SPINT1: variants seen among roughly 807,000 people sequenced by gnomAD.
SPINT1 encodes the protein serine peptidase inhibitor, Kunitz type 1, also known as kunitz-type protease inhibitor 1.
A neutral mutation model predicts 53.7 loss-of-function variants in SPINT1; 38 were observed. The ratio of observed to expected loss-of-function variants is 0.71; its 90% CI spans 0.55 to 0.93. SPINT1 has a LOEUF of 0.93. SPINT1 is among the 40% of genes least tolerant of loss of function. The pLI is 0.00. For synonymous variants in SPINT1, 283 were observed against 280.6 expected (o/e 1.01, Z -0.08); for missense variants, 645 against 692.9 (o/e 0.93, Z 0.78).
In SPINT1 at chr15:40,856,214, G is replaced by A. The variant is rs1039452989; in HGVS notation, c.1289-62G>A. 5.6e-6 allele frequency: 9 copies of A among 1,607,920 alleles called. No homozygotes were observed. In the African/African-American group the frequency reaches 1.2e-4, roughly 22 times the overall value. ...ATGCCAGTGTGAGGTCTGGGGCACT[G>A]GGGAGCAGCTGAGTCTCTGAGCCCT... On this transcript the variant is annotated intron_variant, in intron 9 of 10. Coordinates refer to ENST00000562057, the MANE Select transcript of SPINT1 (RefSeq NM_003710.4).
chr15:40,853,728 A>G lies in SPINT1; in HGVS notation c.760A>G (p.Asn254Asp). 1 of 1,614,072 alleles carries G rather than the reference A, an allele frequency of 6.2e-7. No individual in the cohort carries two copies. Among genetic ancestry groups the G allele is most frequent in the East Asian group, 2.2e-5 (1 of 44,882 alleles). Residue 254 changes from asparagine to aspartate, a missense_variant, in exon 5 of 11, where the codon AAC becomes GAC. Coordinates refer to ENST00000562057, the MANE Select transcript of SPINT1 (RefSeq NM_003710.4). ...KQTEDYCLAS[N>D]KVGRCRGSFP... The stretch of plus-strand genomic sequence containing the variant: ...CCCCCTAGACTACTGCCTCGCATCC[A>G]ACAAGGTGGGTCGCTGCCGGGGCTC...
intron 2 of SPINT1, among the ~76,000 whole-genome samples, chr15:40,847,376 C>T (rs532105078): frequency 6.6e-6 from 1 of 152,304 alleles, no homozygotes; most frequent in South Asian, 2.1e-4. Context: ...ACGTGGGTCA[C>T]GGGCACTGAG....
intron 8 of SPINT1, 57 bp downstream of exon 8, chr15:40,854,746 C>G: frequency 6.2e-7 from 1 of 1,605,618 alleles, no homozygotes; most frequent in East Asian, 2.2e-5. Context: ...GCCATCCTCA[C>G]TATTTCCATC....
rs1466907250 is a variant in SPINT1 at position 40,844,993 on chromosome 15, C to T, written c.439C>T (p.Arg147Cys). The T allele has an allele frequency of 6.2e-7, 1 of 1,612,378 alleles. No homozygotes were observed. The highest frequency in any genetic ancestry group is 1.3e-5 in the African/African-American group (1 of 74,912). The change falls in exon 2 of 11, where the codon CGC (arginine) becomes TGC (cysteine). Residue 147 changes from arginine to cysteine, a missense_variant. Transcript: ENST00000562057. The surrounding 1 kb of genome is among the most constrained non-coding windows in gnomAD (Gnocchi z 5.8). ...FINYLTREVY[R>C]SYRQLRTQGF... ...CAACTACCTCACGAGGGAAGTGTACCGCTCCTACCGCCAGCTGCGGACCCA... is the reference window on the plus strand; with the variant it reads ...CAACTACCTCACGAGGGAAGTGTACTGCTCCTACCGCCAGCTGCGGACCCA...
At chr15:40,845,151 C>A (rs923017539) in intron 2 of SPINT1, 122 bp downstream of exon 2, 1 of 854,978 alleles carries the variant, frequency 1.2e-6, no homozygotes, top group Non-Finnish European at 1.7e-6. Flanking sequence ...TTTTCTTTTT[C>A]TTTCTTTTTT....
At position 40,853,231 on chromosome 15, in the gene SPINT1, G is replaced by A. The variant is rs1297899234; in HGVS notation, c.583G>A (p.Asp195Asn). The A allele has an allele frequency of 6.2e-7, 1 of 1,614,214 alleles. No homozygotes were observed. The highest frequency in any genetic ancestry group is 1.7e-5 in the Admixed American group (1 of 60,032). The stretch of plus-strand genomic sequence containing the variant: ...CACAGATTGGCGCCTACTGCGGGGT[G>A]ACACGGATGTCAGGGTAGAGGTGAG... Reference protein sequence around the residue: ...ENTDWRLLRGDTDVRVERKDP... With the variant: ...ENTDWRLLRGNTDVRVERKDP... Residue 195 changes from aspartate to asparagine, a missense_variant, in exon 3 of 11, where the codon GAC becomes AAC. Physicochemically the swap from Asp to Asn is conservative, Grantham distance 23. Transcript: ENST00000562057.
chr15:40,857,785 G>A lies in SPINT1; in HGVS notation c.*810G>A, dbSNP rs1891699885. On this transcript the variant is annotated 3_prime_UTR_variant, in exon 11 of 11. Transcript: ENST00000562057. Reference sequence around the variant, plus strand: ...TTTTCCCATCGTCTCTCTCGAAACTGGCCTGGCCCCTGACTTTGGAGAGCA... The same window carrying A: ...TTTTCCCATCGTCTCTCTCGAAACTAGCCTGGCCCCTGACTTTGGAGAGCA... 6.6e-6 allele frequency: 1 copy of A among 152,328 alleles called. No individual in the cohort carries two copies. Among genetic ancestry groups the A allele is most frequent in the South Asian group, 2.1e-4 (1 of 4,834 alleles). 9.4% of individuals were successfully genotyped at this position (152,328 alleles called of 1,614,324 possible).
chr15:40,847,824 C>T (rs1891341350), intron 2 of SPINT1, among the ~76,000 whole-genome samples: 1 of 152,146 alleles, frequency 6.6e-6, no homozygotes, highest in African/African-American at 2.4e-5. Context: ...GCTACTTCCA[C>T]TCTGGGGGCC....
intron 10 of SPINT1, 69 bp downstream of exon 10, chr15:40,856,392 T>C: frequency 6.3e-7 from 1 of 1,588,414 alleles, no homozygotes; most frequent in Non-Finnish European, 8.6e-7. Flanking sequence ...ACTCCACCTG[T>C]TGTGACAGCC....
Position 40,856,042 on chromosome 15 carries a change from A to C in SPINT1, c.1268A>C (p.Glu423Ala). The change falls in exon 9 of 11, where the codon GAG becomes GCG. Residue 423 changes from glutamate (E) to alanine (A), a missense_variant. Physicochemically the swap from Glu to Ala is moderately radical, Grantham distance 107. Coordinates refer to ENST00000562057, the MANE Select transcript of SPINT1 (RefSeq NM_003710.4). ...TTTGAGGAAGAGCAGCAGTGCCTCG[A>C]GTCTTGTCGCGGCATCTCCAGTGAG... ...NNFEEEQQCL[E>A]SCRGISKKDV... The C allele has an allele frequency of 6.2e-7, 1 of 1,614,068 alleles. No homozygotes were observed. The highest frequency in any genetic ancestry group is 8.5e-7 in the Non-Finnish European group (1 of 1,180,012).
At chr15:40,855,543 C>G (rs1005335670) in intron 8 of SPINT1, among the ~76,000 whole-genome samples, 1 of 152,068 alleles carries the variant, frequency 6.6e-6, no homozygotes, top group Non-Finnish European at 1.5e-5. Context: ...ATCGCTTGGC[C>G]TAGGAATTTG....
At chr15:40,848,972 C>T (rs1303187674) in intron 2 of SPINT1, among the ~76,000 whole-genome samples, 27 of 147,312 alleles carry the variant, frequency 1.8e-4, no homozygotes, top group Admixed American at 1.2e-3. Flanking sequence ...TCGGGCCGGG[C>T]GCGGTGGGTC....
rs1202213552 is a variant in SPINT1 at position 40,855,971 on chromosome 15, C to G, written c.1197C>G (p.His399Gln). 24 of 1,614,256 alleles carry G rather than the reference C, an allele frequency of 1.5e-5. No homozygotes were observed. Among genetic ancestry groups the G allele is most frequent in the Non-Finnish European group, 2.0e-5 (24 of 1,180,050 alleles). ...GGTACTACAACCCCTTCAGCGAACA[C>G]TGCGCCCGCTTTACCTATGGTGGTT... ...PRWYYNPFSE[H>Q]CARFTYGGCY... Residue 399 changes from histidine to glutamine, a missense_variant, in exon 9 of 11, where the codon CAC becomes CAG. Coordinates refer to ENST00000562057, the MANE Select transcript of SPINT1 (RefSeq NM_003710.4).
intron 3 of SPINT1, 88 bp from the exon 4 acceptor site, chr15:40,853,401 C>G: frequency 6.2e-7 from 1 of 1,609,270 alleles, no homozygotes; most frequent in South Asian, 1.1e-5. Flanking sequence ...CTGGCCTCCC[C>G]AGGGGTGTGG....
At chr15:40,851,874 A>G (rs957993870) in intron 2 of SPINT1, among the ~76,000 whole-genome samples, 5 of 152,142 alleles carry the variant, frequency 3.3e-5, no homozygotes, top group Admixed American at 2.6e-4. Context: ...TACAAAAATT[A>G]GCCGGGCATG....
At chr15:40,846,228 T>G (rs540314447) in intron 2 of SPINT1, among the ~76,000 whole-genome samples, 2 of 152,292 alleles carry the variant, frequency 1.3e-5, no homozygotes, top group Non-Finnish European at 2.9e-5. Context: ...TTCCCCGGAC[T>G]GAACTGTCTG....
intron 2 of SPINT1, among the ~76,000 whole-genome samples, chr15:40,846,864 G>C (rs1891314111): frequency 6.6e-6 from 1 of 152,214 alleles, no homozygotes; most frequent in African/African-American, 2.4e-5. Flanking sequence ...ATATCTGAGG[G>C]CCAGTCTGGG....
At chr15:40,847,812 A>G (rs554862260) in intron 2 of SPINT1, among the ~76,000 whole-genome samples, 1 of 152,006 alleles carries the variant, frequency 6.6e-6, no homozygotes, top group African/African-American at 2.4e-5. Context: ...ATCACTCTGC[A>G]TGCTACTTCC....
Position 40,844,212 on chromosome 15 carries a change from C to T in SPINT1, c.-66+26C>T. The T allele has an allele frequency of 2.4e-6, 1 of 417,708 alleles. No individual in the cohort carries two copies. The highest frequency in any genetic ancestry group is 4.4e-6 in the Non-Finnish European group (1 of 224,972). The allele number at this position is 417,708 out of a possible 1,614,324, so 25.9% of individuals were successfully genotyped here. A position where few individuals can be genotyped will look rare whatever the true frequency, so the allele number is the denominator to read the frequency against. ...GTAACCCGGGCCCCCGCGCGCAAGG[C>T]CGAGGCGCAGGCGGAGCGGGCTGGA... is the stretch of plus-strand genomic sequence containing the variant. On this transcript the variant is annotated intron_variant, in intron 1 of 10. Coordinates refer to ENST00000562057, the MANE Select transcript of SPINT1 (RefSeq NM_003710.4). This position sits in a 1 kb window ranked among gnomAD's most constrained non-coding sequence, Gnocchi z 5.8.
Sources: gnomAD v4.1 joint callset for allele counts (sites outside exome capture counted in the v4.1 genomes callset) on GRCh38, gnomAD v4.1.1 for gene constraint, Gnocchi (gnomAD v3.1) non-coding constraint, MANE v1.5 for transcripts, NCBI Gene and HGNC (gene_info 2026-07-23, HGNC 2026-07-21) for gene names.